RO60: variants seen among roughly 807,000 people sequenced by gnomAD.
RO60 encodes Ro60, Y RNA binding protein, also known as RNA-binding protein RO60.
A neutral mutation model predicts 55.3 loss-of-function variants in RO60; 20 were observed. The ratio of observed to expected loss-of-function variants is 0.36; its 90% CI spans 0.25 to 0.53. The LOEUF (loss-of-function observed/expected upper bound fraction) is 0.53. Ranked by LOEUF, RO60 falls within the 20% of genes least tolerant of loss-of-function variation. RO60 has a pLI of 0.92. For synonymous variants in RO60, 213 were observed against 213.6 expected (o/e 1.00, Z 0.02); for missense variants, 558 against 646.6 (o/e 0.86, Z 1.49).
intron 1 of RO60, among the ~76,000 whole-genome samples, chr1:193,063,899 A>G (rs563390415): frequency 3.3e-5 from 5 of 152,366 alleles, no homozygotes; most frequent in African/African-American, 1.2e-4. Flanking sequence ...CAGTTTTATT[A>G]TAAGGGATAC....
In RO60 at chr1:193,059,669, C is replaced by T; in HGVS notation, c.-129C>T. 1 of 1,372,496 alleles carries T rather than the reference C, an allele frequency of 7.3e-7. No homozygotes were observed. Among genetic ancestry groups the T allele is most frequent in the East Asian group, 4.4e-5 (1 of 22,626 alleles). 85.0% of individuals were successfully genotyped at this position (1,372,496 alleles called of 1,614,324 possible). A position where few individuals can be genotyped will look rare whatever the true frequency, so the allele number is the denominator to read the frequency against. On this transcript the variant is annotated 5_prime_UTR_variant, in exon 1 of 9. Transcript: ENST00000400968. This position sits in a 1 kb window ranked among gnomAD's most constrained non-coding sequence, Gnocchi z 4.9. ...GGCGGCAGTGGGGCTGTTGCTGTTG[C>T]TGTGGCTGTCGCTGCCCGTCAGGCT... is the stretch of plus-strand genomic sequence containing the variant.
In RO60 at chr1:193,089,313, T is replaced by C. The variant is rs1001384552; in HGVS notation, c.*4582T>C. 2.6e-5 allele frequency: 4 copies of C among 152,176 alleles called. No individual in the cohort carries two copies. Among genetic ancestry groups the C allele is most frequent in the Admixed American group, 6.5e-5 (1 of 15,268 alleles). The allele number at this position is 152,176 out of a possible 1,614,324, so 9.4% of individuals were successfully genotyped here. A position where few individuals can be genotyped will look rare whatever the true frequency, so the allele number is the denominator to read the frequency against. ...TTTTTTTCCATAATTATAAAGACCA[T>C]TGTCAAAATCTTTGGTTTACTAAAT... On this transcript the variant is annotated 3_prime_UTR_variant, in exon 9 of 9. Transcript: ENST00000400968.
At chr1:193,073,555 A>G (rs988113333) in intron 2 of RO60, among the ~76,000 whole-genome samples, 2 of 151,922 alleles carry the variant, frequency 1.3e-5, no homozygotes, top group East Asian at 3.9e-4. Flanking sequence ...ACAACTCTCT[A>G]TTACATCACT....
chr1:193,062,645 A>T (rs960750138), intron 1 of RO60, among the ~76,000 whole-genome samples: 17 of 152,204 alleles, frequency 1.1e-4, no homozygotes, highest in African/African-American at 4.1e-4. Context: ...TCACCCAAAA[A>T]GAAATCCCCT....
Position 193,076,510 on chromosome 1 carries a change from G to T in RO60, c.811G>T (p.Ala271Ser), listed in dbSNP as rs755502248. The T allele has an allele frequency of 2.5e-6, 4 of 1,611,166 alleles. No individual in the cohort carries two copies. In the East Asian group the frequency reaches 9.0e-5, roughly 36 times the overall value. Residue 271 changes from alanine (A) to serine (S), a missense_variant, in exon 4 of 9, where the codon GCT (alanine) becomes TCT (serine). Ala to Ser is a moderately conservative substitution (Grantham distance 99, BLOSUM62 1). Coordinates refer to ENST00000400968, the MANE Select transcript of RO60 (RefSeq NM_001173524.2). ...NHLKSKEVWK[A>S]LLQEMPLTAL... ...TATGTTATTGCAATAGGTATGGAAG[G>T]CTTTGTTACAAGAAATGCCGCTTAC...
chr1:193,077,475 G>A (rs778337737), intron 5 of RO60, among the ~76,000 whole-genome samples: 62 of 152,126 alleles, frequency 4.1e-4, no homozygotes, highest in Admixed American at 1.8e-3. Context: ...AAGCAAACAC[G>A]TCCTTCTTCA....
At chr1:193,082,514 T>C in intron 7 of RO60, 48 bp from the exon 8 acceptor site, 1 of 1,595,638 alleles carries the variant, frequency 6.3e-7, no homozygotes. Flanking sequence ...AAACTAGTAT[T>C]TTTAAGGATT....
At chr1:193,079,157 A>G (rs1266908994) in intron 5 of RO60, among the ~76,000 whole-genome samples, 1 of 138,418 alleles carries the variant, frequency 7.2e-6, no homozygotes, top group Non-Finnish European at 1.5e-5. Flanking sequence ...GTGCAATATC[A>G]GCTCACTGCA....
intron 5 of RO60, among the ~76,000 whole-genome samples, chr1:193,078,235 C>T (rs1046050150): frequency 6.6e-5 from 10 of 152,070 alleles, no homozygotes; most frequent in African/African-American, 2.4e-4. Flanking sequence ...ACCACTAAAC[C>T]TGAAATGAAC....
chr1:193,067,075 CAT>C (rs1222556936), intron 1 of RO60, among the ~76,000 whole-genome samples: 1 of 151,894 alleles, frequency 6.6e-6, no homozygotes, highest in Admixed American at 6.6e-5. Context: ...CTTGCTCACT[CAT>C]AATACTTTTC....
At chr1:193,064,251 C>G (rs939925903) in intron 1 of RO60, among the ~76,000 whole-genome samples, 14 of 152,228 alleles carry the variant, frequency 9.2e-5, no homozygotes, top group African/African-American at 2.4e-4. Flanking sequence ...TCAAGTCCTC[C>G]TCCTTTCATG....
rs1674362467 is a variant in RO60 at position 193,082,251 on chromosome 1, A to G, written c.1269A>G (p.Pro423=). The G allele has an allele frequency of 3.1e-6, 5 of 1,613,556 alleles. No homozygotes were observed. The highest frequency in any genetic ancestry group is 4.2e-6 in the Non-Finnish European group (5 of 1,179,732). Residue 423 remains proline (P), a synonymous_variant, in exon 7 of 9, where the codon CCA becomes CCG. Transcript: ENST00000400968. ...TTTCCGATGAAATGGTACCATGTCCAGTGACTACAGATATGACCTTACAAC... is the reference window on the plus strand; with the variant it reads ...TTTCCGATGAAATGGTACCATGTCCGGTGACTACAGATATGACCTTACAAC... The part of the protein sequence containing the change: ...VAFSDEMVPC[P]VTTDMTLQQV...
chr1:193,081,096 G>A (rs1674278756), intron 5 of RO60, among the ~76,000 whole-genome samples: 1 of 151,986 alleles, frequency 6.6e-6, no homozygotes, highest in African/African-American at 2.4e-5. Context: ...TTTAAAAATA[G>A]GATGGTAACT....
chr1:193,081,463 G>A lies in RO60; in HGVS notation c.1186G>A (p.Ala396Thr). ...TAGTATACTCAACGCTAGTACAGTT[G>A]CTGCAGCAATGTGCATGGTGAGAAC... The part of the protein sequence containing the change: ...LGSILNASTV[A>T]AAMCMVVTRT... Residue 396 changes from alanine (A) to threonine (T), a missense_variant, in exon 6 of 9, where the codon GCT becomes ACT. By Grantham distance (58) the Ala-to-Thr change is moderately conservative (BLOSUM62 0). Transcript: ENST00000400968. 6.2e-7 allele frequency: 1 copy of A among 1,607,558 alleles called. No individual in the cohort carries two copies. Among genetic ancestry groups the A allele is most frequent in the East Asian group, 2.2e-5 (1 of 44,688 alleles).
In RO60 at chr1:193,076,494, G is replaced by A. The variant is rs1462096402; in HGVS notation, c.802-7G>A. ...TCCTGGTATTTCTGCCTATGTTATT[G>A]CAATAGGTATGGAAGGCTTTGTTAC... On this transcript the variant is annotated splice_polypyrimidine_tract_variant and splice_region_variant and intron_variant, in intron 3 of 8. Transcript: ENST00000400968. 2 of 1,607,328 alleles carry A rather than the reference G, an allele frequency of 1.2e-6. No homozygotes were observed. The highest frequency in any genetic ancestry group is 2.2e-5 in the South Asian group (2 of 89,390).
intron 1 of RO60, among the ~76,000 whole-genome samples, chr1:193,066,340 TTA>T (rs1558234960): frequency 6.6e-6 from 1 of 152,228 alleles, no homozygotes; most frequent in African/African-American, 2.4e-5. Flanking sequence ...CCTTCATAGT[TTA>T]TAAGTATGTG....
At position 193,074,228 on chromosome 1, in the gene RO60, T is replaced by G. The variant is rs1673733192; in HGVS notation, c.581-1592T>G. Among the ~76,000 whole-genome samples, 3 of 152,212 alleles carry G rather than the reference T, an allele frequency of 2.0e-5. No homozygotes were observed. In the South Asian group the frequency reaches 6.2e-4, roughly 32 times the overall value. On this transcript the variant is annotated intron_variant, in intron 2 of 8. Coordinates refer to ENST00000400968, the MANE Select transcript of RO60 (RefSeq NM_001173524.2). The stretch of plus-strand genomic sequence containing the variant: ...GCATGTGTCTTTATAGCAGCATGAT[T>G]TATAATCCTTTGGGTATATACCCCG...
At chr1:193,074,545 G>A (rs1239865263) in intron 2 of RO60, among the ~76,000 whole-genome samples, 1 of 152,190 alleles carries the variant, frequency 6.6e-6, no homozygotes, top group Non-Finnish European at 1.5e-5. Context: ...CTTTTGAGAA[G>A]TGTCTGTTCA....
chr1:193,063,612 G>T (rs142211786), intron 1 of RO60, among the ~76,000 whole-genome samples: 1 of 152,168 alleles, frequency 6.6e-6, no homozygotes, highest in East Asian at 1.9e-4. Context: ...TGGTGTCTGC[G>T]TTCCAACACT....
Sources: allele counts gnomAD v4.1 joint callset (sites outside exome capture counted in the v4.1 genomes callset), GRCh38; gene constraint gnomAD v4.1.1; non-coding constraint Gnocchi (gnomAD v3.1); transcripts MANE v1.5; gene names NCBI Gene and HGNC (gene_info 2026-07-23, HGNC 2026-07-21).